Variants in ZRANB3 observed in about 807,000 individuals in gnomAD.
ZRANB3 encodes the protein zinc finger RANBP2-type containing 3.
A neutral mutation model predicts 133.8 loss-of-function variants in ZRANB3; 125 were observed. That is an observed-to-expected ratio of 0.93 (90% confidence interval 0.81 to 1.08). ZRANB3 has a LOEUF of 1.08. ZRANB3 is among the 50% of genes least tolerant of loss of function. ZRANB3 has a pLI of 0.00. For synonymous variants in ZRANB3, 387 were observed against 432.7 expected (o/e 0.89, Z 1.31); for missense variants, 1,229 against 1,275.5 (o/e 0.96, Z 0.56).
chr2:135,506,714 A>G (rs992457621), intron 1 of ZRANB3, among the ~76,000 whole-genome samples: 1 of 152,246 alleles, frequency 6.6e-6, no homozygotes, highest in Non-Finnish European at 1.5e-5. Flanking sequence ...TCTATTGGAC[A>G]GTACTCAATG....
chr2:135,420,988 G>A (rs904710468), intron 2 of ZRANB3, among the ~76,000 whole-genome samples: 6 of 152,168 alleles, frequency 3.9e-5, no homozygotes, highest in South Asian at 2.1e-4. Flanking sequence ...AGTAAACACC[G>A]AGTATGTGCA....
At chr2:135,235,583 T>C (rs1456988721) in intron 12 of ZRANB3, among the ~76,000 whole-genome samples, 2 of 151,736 alleles carry the variant, frequency 1.3e-5, no homozygotes, top group Non-Finnish European at 2.9e-5. Flanking sequence ...AAAAAGCTTA[T>C]CCACCATGAT....
At chr2:135,280,507 C>T (rs186528821) in intron 8 of ZRANB3, among the ~76,000 whole-genome samples, 4 of 152,026 alleles carry the variant, frequency 2.6e-5, no homozygotes, top group Admixed American at 2.0e-4. Flanking sequence ...GCAGAGGTTG[C>T]GGTGAGCTGA....
chr2:135,272,413 G>C (rs1264802994), intron 9 of ZRANB3, among the ~76,000 whole-genome samples: 4 of 109,912 alleles, frequency 3.6e-5, no homozygotes, highest in African/African-American at 2.3e-4. Flanking sequence ...GGAAAATAGA[G>C]CTTTTTTTTT....
intron 1 of ZRANB3, among the ~76,000 whole-genome samples, chr2:135,529,496 G>T (rs1379490895): frequency 5.9e-5 from 9 of 151,888 alleles, no homozygotes. Flanking sequence ...GTAGTCACAC[G>T]TTTTTTGTTT....
intron 2 of ZRANB3, among the ~76,000 whole-genome samples, chr2:135,491,335 A>C (rs1692363402): frequency 6.6e-6 from 1 of 152,038 alleles, no homozygotes; most frequent in African/African-American, 2.4e-5. Context: ...AATAATGTTA[A>C]GTATTTTTTT....
intron 3 of ZRANB3, among the ~76,000 whole-genome samples, chr2:135,371,833 G>A (rs1260767949): frequency 6.6e-6 from 1 of 152,146 alleles, no homozygotes; most frequent in Non-Finnish European, 1.5e-5. Flanking sequence ...GGCTTTTGGA[G>A]GGAAGTCATA....
intron 2 of ZRANB3, among the ~76,000 whole-genome samples, chr2:135,438,809 T>G (rs1267345560): frequency 6.6e-6 from 1 of 152,138 alleles, no homozygotes; most frequent in Non-Finnish European, 1.5e-5. Context: ...GCCAGAACAC[T>G]GGGCTCTAAT....
chr2:135,529,810 T>A (rs1433740525), intron 1 of ZRANB3, among the ~76,000 whole-genome samples: 1 of 151,358 alleles, frequency 6.6e-6, no homozygotes, highest in Non-Finnish European at 1.5e-5. Context: ...CCACCGCGCC[T>A]GTCTGCCACT....
In ZRANB3 at chr2:135,207,744, T is replaced by C. The variant is rs1302579100; in HGVS notation, c.2699A>G (p.Tyr900Cys). 3 of 1,614,020 alleles carry C rather than the reference T, an allele frequency of 1.9e-6. No individual in the cohort carries two copies. The East Asian group carries it at 6.7e-5, about 36-fold the overall frequency. The change falls in exon 19 of 21, where the codon TAT becomes TGT. Residue 900 changes from tyrosine to cysteine, a missense_variant. Coordinates refer to ENST00000264159, the MANE Select transcript of ZRANB3 (RefSeq NM_032143.4). The stretch of plus-strand genomic sequence containing the variant: ...TCCTTCATTATCCACAGCTTGCAAA[T>C]AGCCTTTGGATGTAGAGGGCTTCAC... ...LTVKPSTSKG[Y>C]LQAVDNEGNP...
At chr2:135,438,007 A>T (rs1229149107) in intron 2 of ZRANB3, among the ~76,000 whole-genome samples, 1 of 152,106 alleles carries the variant, frequency 6.6e-6, no homozygotes, top group African/African-American at 2.4e-5. Context: ...TGGGAAATAC[A>T]TGTTCTCCTC....
At chr2:135,204,824 C>G (rs1343188328) in intron 19 of ZRANB3, among the ~76,000 whole-genome samples, 2 of 148,998 alleles carry the variant, frequency 1.3e-5, no homozygotes, top group Non-Finnish European at 3.0e-5. Context: ...TCTAGTCCTA[C>G]CCAATTCGAG....
At chr2:135,406,978 C>T (rs374886058) in intron 2 of ZRANB3, among the ~76,000 whole-genome samples, 3 of 152,084 alleles carry the variant, frequency 2.0e-5, no homozygotes, top group Non-Finnish European at 4.4e-5. Flanking sequence ...CCAGGGCAAT[C>T]AGGCAGGAGA....
intron 3 of ZRANB3, among the ~76,000 whole-genome samples, chr2:135,374,554 T>G (rs1573995507): frequency 6.7e-6 from 1 of 149,538 alleles, no homozygotes; most frequent in African/African-American, 2.5e-5. Context: ...CAGGCTGGAG[T>G]GCAATGGCGT....
intron 17 of ZRANB3, among the ~76,000 whole-genome samples, chr2:135,214,550 A>G (rs1694229259): frequency 6.6e-6 from 1 of 152,162 alleles, no homozygotes; most frequent in African/African-American, 2.4e-5. Context: ...ATAGCTAGAA[A>G]TTCAGTTATG....
At chr2:135,438,577 C>T (rs997003136) in intron 2 of ZRANB3, among the ~76,000 whole-genome samples, 1 of 151,608 alleles carries the variant, frequency 6.6e-6, no homozygotes, top group Admixed American at 6.6e-5. Flanking sequence ...AGACATAGTA[C>T]GGAAGAGCTT....
At chr2:135,291,698 A>C (rs1291173878) in intron 8 of ZRANB3, among the ~76,000 whole-genome samples, 1 of 151,620 alleles carries the variant, frequency 6.6e-6, no homozygotes, top group Admixed American at 6.6e-5. Context: ...GCACCCATTA[A>C]CTCGTCATTT....
intron 12 of ZRANB3, among the ~76,000 whole-genome samples, chr2:135,241,120 G>T (rs187888981): frequency 6.6e-6 from 1 of 152,010 alleles, no homozygotes; most frequent in Non-Finnish European, 1.5e-5. Flanking sequence ...TTTAGCTCTC[G>T]AAAATTTCTA....
intron 12 of ZRANB3, among the ~76,000 whole-genome samples, chr2:135,264,740 ATT>A (rs869159841): frequency 2.4e-5 from 3 of 125,690 alleles, no homozygotes; most frequent in African/African-American, 5.9e-5. Context: ...TTCTTTGCCT[ATT>A]TTTTTTTTTT....
Sources: gnomAD v4.1 joint callset for allele counts (sites outside exome capture counted in the v4.1 genomes callset) on GRCh38, gnomAD v4.1.1 for gene constraint, MANE v1.5 for transcripts, NCBI Gene and HGNC (gene_info 2026-07-23, HGNC 2026-07-21) for gene names.